SDCCAG8: variants seen among roughly 807,000 people sequenced by gnomAD.
SDCCAG8 encodes the protein serologically defined colon cancer antigen 8.
Under a neutral mutation model 101.8 loss-of-function variants are expected in SDCCAG8, and 74 were observed. The ratio of observed to expected loss-of-function variants is 0.73; its 90% confidence interval spans 0.60 to 0.88. The LOEUF is 0.88. SDCCAG8 is among the 40% of genes least tolerant of loss of function. The probability of loss-of-function intolerance (pLI) is 0.00; values close to 1 mark genes in which losing one functional copy is unlikely to be tolerated. For missense variants in SDCCAG8, 787 were observed against 822.6 expected, an observed-to-expected ratio of 0.96 and a Z score of 0.53; for synonymous variants, 281 against 292.9, an observed-to-expected ratio of 0.96 and a Z score of 0.41.
intron 1 of SDCCAG8, among the ~76,000 whole-genome samples, chr1:243,261,513 G>A (rs1034862866): frequency 3.3e-5 from 5 of 152,172 alleles, no homozygotes; most frequent in Non-Finnish European, 5.9e-5. Flanking sequence ...TGTTTTGCTT[G>A]TATATGATTA....
intron 12 of SDCCAG8, among the ~76,000 whole-genome samples, chr1:243,350,072 A>T (rs1467610329): frequency 6.6e-6 from 1 of 152,234 alleles, no homozygotes; most frequent in African/African-American, 2.4e-5. Flanking sequence ...GACATTAAGG[A>T]TGGAGTGTAA....
intron 10 of SDCCAG8, among the ~76,000 whole-genome samples, chr1:243,336,283 C>A (rs1325033182): frequency 6.6e-6 from 1 of 152,162 alleles, no homozygotes; most frequent in Non-Finnish European, 1.5e-5. Flanking sequence ...TCTGCATGGT[C>A]TGTTGTTTTT....
intron 13 of SDCCAG8, among the ~76,000 whole-genome samples, chr1:243,382,170 A>G (rs963837948): frequency 6.6e-6 from 1 of 152,196 alleles, no homozygotes; most frequent in African/African-American, 2.4e-5. Flanking sequence ...CTTATGGGCC[A>G]TCTCCGGAGT....
intron 12 of SDCCAG8, among the ~76,000 whole-genome samples, chr1:243,352,844 A>G (rs1312107773): frequency 6.6e-6 from 1 of 151,894 alleles, no homozygotes; most frequent in Non-Finnish European, 1.5e-5. Context: ...TGCTTTTTTC[A>G]TTTAACATTA....
chr1:243,374,603 C>A (rs1036235974), intron 12 of SDCCAG8, among the ~76,000 whole-genome samples: 6 of 152,048 alleles, frequency 3.9e-5, no homozygotes, highest in Non-Finnish European at 8.8e-5. Flanking sequence ...GCCAAACAAT[C>A]AAGTGTACAC....
At chr1:243,348,765 G>A (rs2075898642) in intron 12 of SDCCAG8, among the ~76,000 whole-genome samples, 1 of 150,138 alleles carries the variant, frequency 6.7e-6, no homozygotes, top group African/African-American at 2.5e-5. Flanking sequence ...CTGAGGTCGG[G>A]AGTTTGAGAC....
At chr1:243,476,079 T>A in intron 16 of SDCCAG8, 2 of 985,416 alleles carry the variant, frequency 2.0e-6, no homozygotes, top group Non-Finnish European at 2.4e-6. Context: ...CACTCATCAG[T>A]GTGTGGAGGA....
chr1:243,348,675 C>CTACAAAACA (rs1279133906), intron 12 of SDCCAG8, among the ~76,000 whole-genome samples: 1 of 151,856 alleles, frequency 6.6e-6, no homozygotes, highest in Non-Finnish European at 1.5e-5. Flanking sequence ...CAGAGTACAC[C>CTACAAAACA]TACAAAACAC....
In SDCCAG8 at chr1:243,270,973, T is replaced by C; in HGVS notation, c.221-5T>C. The C allele has an allele frequency of 6.2e-7, 1 of 1,608,552 alleles. No homozygotes were observed. The highest frequency in any genetic ancestry group is 8.5e-7 in the Non-Finnish European group (1 of 1,175,108). On this transcript the variant is annotated splice_polypyrimidine_tract_variant and splice_region_variant and intron_variant, in intron 2 of 17. Coordinates refer to ENST00000366541, the MANE Select transcript of SDCCAG8 (RefSeq NM_006642.5). ...GTTAATAAACCCTCTGCTTTTGCTC[T>C]ATAGTTAATCAGCTCAAAGATTTGT... is the stretch of plus-strand genomic sequence containing the variant.
chr1:243,401,276 T>C (rs900350280), intron 13 of SDCCAG8, among the ~76,000 whole-genome samples: 3 of 152,246 alleles, frequency 2.0e-5, no homozygotes, highest in African/African-American at 7.2e-5. Flanking sequence ...ACTGGCTTAT[T>C]TGTATTCCTC....
intron 12 of SDCCAG8, among the ~76,000 whole-genome samples, chr1:243,347,059 C>T (rs181825844): frequency 1.2e-3 from 186 of 151,970 alleles, no homozygotes; most frequent in Non-Finnish European, 2.4e-3. Flanking sequence ...TTTGCCAGTC[C>T]TCCTCCTCAA....
At chr1:243,382,404 A>G (rs2078013202) in intron 13 of SDCCAG8, among the ~76,000 whole-genome samples, 1 of 152,190 alleles carries the variant, frequency 6.6e-6, no homozygotes, top group Admixed American at 6.5e-5. Flanking sequence ...AATGGTTTTT[A>G]TATTTTTAAG....
At chr1:243,275,632 C>A (rs937005888) in intron 4 of SDCCAG8, among the ~76,000 whole-genome samples, 1 of 151,916 alleles carries the variant, frequency 6.6e-6, no homozygotes, top group African/African-American at 2.4e-5. Flanking sequence ...CTATTAATCC[C>A]TAAGATGTTG....
intron 5 of SDCCAG8, among the ~76,000 whole-genome samples, chr1:243,286,863 G>T (rs960968011): frequency 6.6e-6 from 1 of 152,182 alleles, no homozygotes; most frequent in Non-Finnish European, 1.5e-5. Context: ...AAGAAGGCTG[G>T]TGTTTAGCAA....
At chr1:243,326,063 G>A (rs1195633418) in intron 9 of SDCCAG8, among the ~76,000 whole-genome samples, 1 of 152,038 alleles carries the variant, frequency 6.6e-6, no homozygotes, top group African/African-American at 2.4e-5. Flanking sequence ...GGCACAGGCT[G>A]TGGCATGAAG....
chr1:243,256,223 A>G lies in SDCCAG8; in HGVS notation c.50A>G (p.Tyr17Cys). Residue 17 changes from tyrosine (Y) to cysteine (C), a missense_variant, in exon 1 of 18, where the codon TAT becomes TGT. Coordinates refer to ENST00000366541, the MANE Select transcript of SDCCAG8 (RefSeq NM_006642.5). ...NSTLEEILGQ[Y>C]QRSLREHASR... ...ACCCTGGAGGAGATTCTGGGGCAGT[A>G]TCAACGGAGTCTCCGGGGTGAGTTG... 6.2e-7 allele frequency: 1 copy of G among 1,614,190 alleles called. No homozygotes were observed. The highest frequency in any genetic ancestry group is 8.5e-7 in the Non-Finnish European group (1 of 1,180,004).
At chr1:243,437,094 A>G (rs1302568145) in intron 16 of SDCCAG8, among the ~76,000 whole-genome samples, 1 of 152,218 alleles carries the variant, frequency 6.6e-6, no homozygotes, top group Admixed American at 6.5e-5. Flanking sequence ...AATTTTCATT[A>G]TCTTAACTCT....
At chr1:243,306,311 C>T (rs1032732942) in intron 7 of SDCCAG8, 8 of 151,634 alleles carry the variant, frequency 5.3e-5, no homozygotes, top group Non-Finnish European at 1.2e-4. Flanking sequence ...ATTTTATTTA[C>T]GACTTGATTC....
chr1:243,403,017 A>G (rs567542073), intron 13 of SDCCAG8, among the ~76,000 whole-genome samples: 15 of 152,316 alleles, frequency 9.8e-5, no homozygotes, highest in Middle Eastern at 3.4e-3. Context: ...TATGTTGAAG[A>G]GTTGTTGAAA....
Sources: gnomAD v4.1 joint callset for allele counts (sites outside exome capture counted in the v4.1 genomes callset) on GRCh38, gnomAD v4.1.1 for gene constraint, MANE v1.5 for transcripts, NCBI Gene and HGNC (gene_info 2026-07-23, HGNC 2026-07-21) for gene names.